The following GALNT14 variants were observed in gnomAD, a reference collection of about 807,000 sequenced individuals.
The protein encoded by GALNT14 is UDP-GalNAc:polypeptide N-acetylgalactosaminyltransferase 14.
Under a neutral mutation model 77.5 loss-of-function variants are expected in GALNT14, and 60 were observed. The observed-to-expected ratio is 0.77, with a 90% CI of 0.63 to 0.96. The LOEUF is 0.96. Ranked by LOEUF, GALNT14 falls within the 40% of genes least tolerant of loss-of-function variation. The pLI, the probability that GALNT14 is intolerant of heterozygous loss-of-function variation, is 0.00. For missense variants in GALNT14, 710 were observed against 731.0 expected, an observed-to-expected ratio of 0.97 and a Z score of 0.33; for synonymous variants, 280 against 281.7, an observed-to-expected ratio of 0.99 and a Z score of 0.06.
intron 1 of GALNT14, among the ~76,000 whole-genome samples, chr2:31,056,368 A>T (rs1341942131): frequency 1.3e-5 from 2 of 152,202 alleles, no homozygotes; most frequent in East Asian, 3.8e-4. Context: ...ATGAGAAAGG[A>T]TCAATATTTA....
chr2:30,912,131 A>G (rs1442381143), intron 14 of GALNT14, 92 bp downstream of exon 14: 12 of 1,490,334 alleles, frequency 8.1e-6, no homozygotes, highest in African/African-American at 4.2e-5. Flanking sequence ...TCTTCTAACA[A>G]TTTCTCTCTT....
intron 13 of GALNT14, among the ~76,000 whole-genome samples, chr2:30,920,085 G>A (rs1262773321): frequency 6.6e-6 from 1 of 152,142 alleles, no homozygotes; most frequent in African/African-American, 2.4e-5. Context: ...GAATTTCAGG[G>A]GCAGGTGTCT....
rs1679320311 is a variant in GALNT14 at position 31,138,272 on chromosome 2, T to TG, written c.-187dup. ...CGCTTCGAAGAGAAGCGAGCCTGGG[T>TG]GGGGGGTGCAGGGCGACCCGAAACG... On this transcript the variant is annotated 5_prime_UTR_variant, in exon 1 of 15. Coordinates refer to ENST00000349752, the MANE Select transcript of GALNT14 (RefSeq NM_024572.4). 1 of 708,078 alleles carries TG rather than the reference T, an allele frequency of 1.4e-6. No individual in the cohort carries two copies. The allele number at this position is 708,078 out of a possible 1,614,324, so 43.9% of individuals were successfully genotyped here. A position where few individuals can be genotyped will look rare whatever the true frequency, so the allele number is the denominator to read the frequency against.
At chr2:30,992,773 A>T (rs1296686028) in intron 2 of GALNT14, 65 bp downstream of exon 2, 1 of 1,562,358 alleles carries the variant, frequency 6.4e-7, no homozygotes, top group Non-Finnish European at 8.8e-7. Flanking sequence ...AGCAGGCCCC[A>T]GATCAAGCCT....
chr2:30,893,393 A>G, the GALNT14 span, among the ~76,000 whole-genome samples: 1 of 152,246 alleles, frequency 6.6e-6, no homozygotes, highest in Non-Finnish European at 1.5e-5. Flanking sequence ...AAAAATACTG[A>G]GGCTATTATT....
chr2:30,901,693 G>GTGTGTGTGTATATATA, the GALNT14 span, among the ~76,000 whole-genome samples: 1 of 151,604 alleles, frequency 6.6e-6, no homozygotes, highest in Non-Finnish European at 1.5e-5. Flanking sequence ...ATATATATGT[G>GTGTGTGTGTATATATA]TGTGTGTGTA....
intron 1 of GALNT14, among the ~76,000 whole-genome samples, chr2:31,013,882 TG>T (rs58520251): frequency 0.072 from 10,956 of 152,282 alleles, 477 homozygotes; most frequent in East Asian, 0.13. Context: ...GGAATGGTCA[TG>T]AAACACTACA....
intron 6 of GALNT14, among the ~76,000 whole-genome samples, chr2:30,953,305 CTTTTTTTTTT>C (rs34668885): frequency 1.7e-5 from 2 of 117,084 alleles, no homozygotes; most frequent in African/African-American, 7.1e-5. Context: ...AATTTCCTTC[CTTTTTTTTTT>C]TTTTTTTTTT....
At chr2:31,024,007 C>T (rs1671893161) in intron 1 of GALNT14, among the ~76,000 whole-genome samples, 1 of 152,146 alleles carries the variant, frequency 6.6e-6, no homozygotes, top group Non-Finnish European at 1.5e-5. Flanking sequence ...TGGCCCCAAC[C>T]CGGTCTTGGT....
intron 1 of GALNT14, among the ~76,000 whole-genome samples, chr2:31,029,759 C>A (rs2148477313): frequency 6.6e-6 from 1 of 152,322 alleles, no homozygotes; most frequent in East Asian, 1.9e-4. Context: ...GTGCTACTCA[C>A]CCTACACCAC....
chr2:31,118,354 A>G (rs549385684), intron 1 of GALNT14, among the ~76,000 whole-genome samples: 2 of 152,358 alleles, frequency 1.3e-5, no homozygotes, highest in African/African-American at 2.4e-5. Flanking sequence ...ATGAAAATAG[A>G]TGTTAAAATT....
chr2:31,059,726 T>A (rs1674469780), intron 1 of GALNT14, among the ~76,000 whole-genome samples: 1 of 152,060 alleles, frequency 6.6e-6, no homozygotes, highest in South Asian at 2.1e-4. Flanking sequence ...AAAATAAAAA[T>A]GATAAAGAGG....
chr2:30,983,778 A>AAC lies in GALNT14; in HGVS notation c.299+9058_299+9059dup, dbSNP rs60061697. Among the ~76,000 whole-genome samples the AAC allele has an allele frequency of 2.3e-3, 280 of 120,618 alleles. 4 individuals carry two copies. The highest frequency in any genetic ancestry group is 4.9e-3 in the South Asian group (16 of 3,266). 79.1% of individuals were successfully genotyped at this position (120,618 alleles called of 152,430 possible). The stretch of plus-strand genomic sequence containing the variant: ...TTCTCTTTCCCCAAATCACAAGTCA[A>AAC]ACACACACACACACACACACACACA... On this transcript the variant is annotated intron_variant, in intron 2 of 14. Coordinates refer to ENST00000349752, the MANE Select transcript of GALNT14 (RefSeq NM_024572.4).
intron 1 of GALNT14, among the ~76,000 whole-genome samples, chr2:31,100,898 C>T (rs1202264674): frequency 6.6e-6 from 1 of 152,028 alleles, no homozygotes; most frequent in African/African-American, 2.4e-5. Flanking sequence ...TAGGCAAAAT[C>T]ATCTAACACA....
At chr2:30,962,886 A>T (rs1041873341) in intron 3 of GALNT14, among the ~76,000 whole-genome samples, 2 of 152,174 alleles carry the variant, frequency 1.3e-5, no homozygotes, top group South Asian at 4.1e-4. Flanking sequence ...CTCAGTGGCT[A>T]GTGATTCATT....
At chr2:31,095,557 T>C (rs550529966) in intron 1 of GALNT14, among the ~76,000 whole-genome samples, 6 of 152,218 alleles carry the variant, frequency 3.9e-5, no homozygotes, top group Non-Finnish European at 7.4e-5. Context: ...ATCAGGACAC[T>C]AGATCACTGA....
At chr2:31,108,266 G>A (rs919837178) in intron 1 of GALNT14, among the ~76,000 whole-genome samples, 3 of 152,184 alleles carry the variant, frequency 2.0e-5, no homozygotes, top group African/African-American at 7.2e-5. Flanking sequence ...CACTACATCA[G>A]TCACAAATAT....
At chr2:30,940,456 C>A (rs1666313082) in intron 9 of GALNT14, among the ~76,000 whole-genome samples, 1 of 152,192 alleles carries the variant, frequency 6.6e-6, no homozygotes. Context: ...TAGGCTTTGA[C>A]TTAGAAGAAT....
At chr2:31,090,787 A>C (rs911573423) in intron 1 of GALNT14, among the ~76,000 whole-genome samples, 1 of 151,246 alleles carries the variant, frequency 6.6e-6, no homozygotes, top group African/African-American at 2.4e-5. Context: ...CCTAAAGATG[A>C]AGGGAAGGCA....
Sources: allele counts gnomAD v4.1 joint callset (sites outside exome capture counted in the v4.1 genomes callset), GRCh38; gene constraint gnomAD v4.1.1; transcripts MANE v1.5; gene names NCBI Gene and HGNC (gene_info 2026-07-23, HGNC 2026-07-21).